The following EP400 variants were observed in gnomAD, a reference collection of about 807,000 sequenced individuals.
EP400 encodes the protein E1A-binding protein p400.
EP400 carries 105 observed loss-of-function variants against 354.1 expected under a neutral mutation model. That is an observed-to-expected ratio of 0.30 (90% CI 0.25 to 0.35). EP400 has a LOEUF of 0.35. Ranked by LOEUF, EP400 falls within the 10% of genes least tolerant of loss-of-function variation. EP400 has a pLI of 1.00. For synonymous variants in EP400, 1,646 were observed against 1,716.9 expected, an observed-to-expected ratio of 0.96 and a Z score of 1.02; for missense variants, 3,280 against 4,121.0, an observed-to-expected ratio of 0.80 and a Z score of 5.59.
At chr12:132,033,190 C>T (rs1310315500) in intron 30 of EP400, among the ~76,000 whole-genome samples, 3 of 151,956 alleles carry the variant, frequency 2.0e-5, no homozygotes, top group East Asian at 1.9e-4. Flanking sequence ...CTCAGGTGAT[C>T]GCCCGCCTTG....
intron 5 of EP400, among the ~76,000 whole-genome samples, chr12:131,984,423 C>T (rs1005774970): frequency 3.9e-5 from 6 of 152,132 alleles, no homozygotes; most frequent in Admixed American, 1.3e-4. Context: ...GCCAGAAAAG[C>T]CAGCAACTGG....
intron 2 of EP400, among the ~76,000 whole-genome samples, chr12:131,973,494 T>C (rs968131764): frequency 6.6e-6 from 1 of 152,050 alleles, no homozygotes; most frequent in Non-Finnish European, 1.5e-5. Context: ...ATACCAAAAA[T>C]TTGCCGGGTG....
chr12:131,992,089 C>A, intron 10 of EP400, 84 bp from the exon 11 acceptor site: 4 of 1,486,636 alleles, frequency 2.7e-6, no homozygotes, highest in Non-Finnish European at 1.9e-6. Context: ...GCTCCCCCAA[C>A]CTGTCCCATG....
rs960797033 is a variant in EP400 at position 132,018,468 on chromosome 12, A to T, written c.4277+92A>T. On this transcript the variant is annotated intron_variant, in intron 21 of 52. Transcript: ENST00000389561. This position sits in a 1 kb window ranked among gnomAD's most constrained non-coding sequence, Gnocchi z 4.0. ...TGCGTGGTGAAAAGAAAGGCTGCTA[A>T]TGTAGTTAGGTTATCTGCTGCTCTT... 7 of 1,494,538 alleles carry T rather than the reference A, an allele frequency of 4.7e-6. No homozygotes were observed. The African/African-American group carries it at 8.4e-5, about 18-fold the overall frequency. 92.6% of individuals were successfully genotyped at this position (1,494,538 alleles called of 1,614,324 possible).
In EP400 at chr12:132,000,432, AT is replaced by A. The variant is rs560113933; in HGVS notation, c.2828-4644del. Among the ~76,000 whole-genome samples, 486 of 152,364 alleles carry A rather than the reference AT, an allele frequency of 3.2e-3. 3 individuals carry two copies. Among genetic ancestry groups the A allele is most frequent in the South Asian group, 7.5e-3 (36 of 4,832 alleles). ...ACATGCTTTAAAACAACATGCATTC[AT>A]CAGGTTATGGTACAATTCTCTCTCT... On this transcript the variant is annotated intron_variant, in intron 12 of 52. Coordinates refer to ENST00000389561, the MANE Select transcript of EP400 (RefSeq NM_015409.5).
intron 32 of EP400, among the ~76,000 whole-genome samples, chr12:132,041,485 G>T (rs1332378296): frequency 6.6e-6 from 1 of 152,214 alleles, no homozygotes; most frequent in Non-Finnish European, 1.5e-5. Flanking sequence ...CTTCCTTCGG[G>T]TCTGCCTTCT....
intron 30 of EP400, among the ~76,000 whole-genome samples, chr12:132,032,950 G>A (rs1305107669): frequency 1.4e-5 from 2 of 146,086 alleles, no homozygotes; most frequent in Non-Finnish European, 3.0e-5. Context: ...TTATGTTTTT[G>A]TTTGTTTGTT....
Position 132,064,676 on chromosome 12 carries a change from C to T in EP400, c.8343C>T (p.Leu2781=), listed in dbSNP as rs752250774. The T allele has an allele frequency of 5.6e-6, 9 of 1,611,686 alleles. No individual in the cohort carries two copies. In the African/African-American group the frequency reaches 8.0e-5, roughly 14 times the overall value. ...CTTTGCTTGTATTTTAGGAACACCT[C>T]ATCAAAATGCAGAAGCAGAAACTGC... ...KAVGKLTPEH[L]IKMQKQKLQM... is the part of the protein sequence containing the mutation. The change falls in exon 48 of 53, where the codon CTC becomes CTT. Residue 2781 remains leucine (L), a synonymous_variant. Transcript: ENST00000389561.
intron 2 of EP400, among the ~76,000 whole-genome samples, chr12:131,965,599 A>C (rs1892047599): frequency 1.3e-5 from 2 of 152,198 alleles, no homozygotes; most frequent in Non-Finnish European, 2.9e-5. Context: ...CAAGCAACAG[A>C]AGCTCCATCA....
At chr12:132,040,680 G>C (rs1044594661) in intron 32 of EP400, among the ~76,000 whole-genome samples, 5 of 152,210 alleles carry the variant, frequency 3.3e-5, no homozygotes, top group Non-Finnish European at 7.3e-5. Flanking sequence ...CAAACCTAGT[G>C]AGTAAAGCAT....
Position 132,027,299 on chromosome 12 carries a change from A to C in EP400, c.5015-138A>C, listed in dbSNP as rs113515188. 0.016 allele frequency: 12,432 copies of C among 799,892 alleles called. 376 individuals are homozygous for C. The highest frequency in any genetic ancestry group is 0.08 in the South Asian group (5,306 of 65,994). 49.5% of individuals were successfully genotyped at this position (799,892 alleles called of 1,614,324 possible). ...AGGCATGTGCTGGTGGAGGATGAGG[A>C]CTTGGGGACATGCCGTTGCAGAATG... is the stretch of plus-strand genomic sequence containing the variant. On this transcript the variant is annotated intron_variant, in intron 25 of 52. Coordinates refer to ENST00000389561, the MANE Select transcript of EP400 (RefSeq NM_015409.5). The surrounding 1 kb of genome is among the most constrained non-coding windows in gnomAD (Gnocchi z 4.9).
Position 131,992,034 on chromosome 12 carries a change from G to A in EP400, c.2680-139G>A, listed in dbSNP as rs949533487. 15 of 825,212 alleles carry A rather than the reference G, an allele frequency of 1.8e-5. No homozygotes were observed. The Admixed American group carries it at 1.9e-4, about 11-fold the overall frequency. The allele number at this position is 825,212 out of a possible 1,614,324, so 51.1% of individuals were successfully genotyped here. ...CCTCGCTCCCCCGCTGCCCTGCCCC[G>A]ACCCCAAATGGAGGCTGAGGGCAGC... On this transcript the variant is annotated intron_variant, in intron 10 of 52. Coordinates refer to ENST00000389561, the MANE Select transcript of EP400 (RefSeq NM_015409.5).
At chr12:131,996,581 G>A (rs1271123686) in intron 12 of EP400, among the ~76,000 whole-genome samples, 2 of 152,068 alleles carry the variant, frequency 1.3e-5, no homozygotes, top group East Asian at 1.9e-4. Flanking sequence ...TTGAGCCACC[G>A]CGCCCAGCCT....
intron 32 of EP400, among the ~76,000 whole-genome samples, chr12:132,042,346 G>A (rs1356706520): frequency 6.6e-6 from 1 of 152,124 alleles, no homozygotes; most frequent in Non-Finnish European, 1.5e-5. Flanking sequence ...CCCATTCTGT[G>A]GTTTGCCTTT....
At chr12:131,966,446 G>A (rs1364893452) in intron 2 of EP400, among the ~76,000 whole-genome samples, 1 of 151,232 alleles carries the variant, frequency 6.6e-6, no homozygotes. Context: ...GCACACGCCT[G>A]TAATTCCAGC....
intron 37 of EP400, 71 bp from the exon 38 acceptor site, chr12:132,045,248 C>T (rs762538656): frequency 6.3e-7 from 1 of 1,580,124 alleles, no homozygotes; most frequent in Non-Finnish European, 8.6e-7. Context: ...TGACCTGTTT[C>T]CTTTGTCTTT....
Position 131,995,124 on chromosome 12 carries a change from C to A in EP400, c.2827+168C>A, listed in dbSNP as rs532611304. ...CTCTCTCCTGACCTGGAGGTCCTGG[C>A]CCTCCTGGGTTGTGTGTCGGACACT... On this transcript the variant is annotated intron_variant, in intron 12 of 52. Transcript: ENST00000389561. The A allele has an allele frequency of 7.2e-5, 43 of 595,298 alleles. No homozygotes were observed. In the East Asian group the frequency reaches 1.3e-3, roughly 18 times the overall value. 36.9% of individuals were successfully genotyped at this position (595,298 alleles called of 1,614,324 possible). A position where few individuals can be genotyped will look rare whatever the true frequency, so the allele number is the denominator to read the frequency against.
chr12:131,963,602 A>G (rs1891975101), intron 2 of EP400: 5 of 1,598,436 alleles, frequency 3.1e-6, no homozygotes, highest in Non-Finnish European at 3.4e-6. Context: ...CTTCCGCCAA[A>G]GGTTTCTGCT....
intron 45 of EP400, among the ~76,000 whole-genome samples, chr12:132,060,597 G>C (rs550371526): frequency 1.3e-5 from 2 of 152,030 alleles, no homozygotes; most frequent in Non-Finnish European, 2.9e-5. Flanking sequence ...GCCAGCCTAG[G>C]GCTCTGCATC....
Sources: gnomAD v4.1 joint callset for allele counts (sites outside exome capture counted in the v4.1 genomes callset) on GRCh38, gnomAD v4.1.1 for gene constraint, Gnocchi (gnomAD v3.1) non-coding constraint, MANE v1.5 for transcripts, NCBI Gene and HGNC (gene_info 2026-07-23, HGNC 2026-07-21) for gene names.